Variants in RAPGEF5 observed in about 807,000 individuals in gnomAD.
RAPGEF5 encodes Rap guanine nucleotide exchange factor 5, also known as M-Ras-regulated GEF.
Under a neutral mutation model 125.2 loss-of-function variants are expected in RAPGEF5, and 65 were observed. The ratio of observed to expected loss-of-function variants is 0.52; its 90% confidence interval spans 0.43 to 0.64. RAPGEF5 has a LOEUF of 0.64. RAPGEF5 is among the 30% of genes least tolerant of loss of function. The probability of loss-of-function intolerance (pLI) is 0.00; values close to 1 mark genes in which losing one functional copy is unlikely to be tolerated. For missense variants in RAPGEF5, 958 were observed against 1,048.1 expected, an observed-to-expected ratio of 0.91 and a Z score of 1.19; for synonymous variants, 391 against 385.9, an observed-to-expected ratio of 1.01 and a Z score of -0.16.
At chr7:22,286,063 T>C (rs1386856640) in intron 6 of RAPGEF5, among the ~76,000 whole-genome samples, 2 of 152,224 alleles carry the variant, frequency 1.3e-5, no homozygotes, top group African/African-American at 4.8e-5. Flanking sequence ...TCCTAAATTC[T>C]GAACACCCAA....
At chr7:22,311,569 A>T (rs1418314373) in intron 3 of RAPGEF5, among the ~76,000 whole-genome samples, 1 of 152,196 alleles carries the variant, frequency 6.6e-6, no homozygotes, top group African/African-American at 2.4e-5. Context: ...ATTTGATCAA[A>T]CATCCCAGCT....
intron 1 of RAPGEF5, among the ~76,000 whole-genome samples, chr7:22,332,193 CT>C (rs1277874694): frequency 3.3e-5 from 5 of 152,262 alleles, no homozygotes; most frequent in African/African-American, 9.6e-5. Flanking sequence ...CCAAAGTTAA[CT>C]AAAAACAAAA....
chr7:22,146,000 T>TGTG (rs1783428944), intron 19 of RAPGEF5, among the ~76,000 whole-genome samples: 1 of 145,172 alleles, frequency 6.9e-6, no homozygotes, highest in African/African-American at 2.6e-5. Flanking sequence ...GTGTGTGTGT[T>TGTG]TTATAGAGGT....
At chr7:22,126,253 T>C (rs1782741936) in intron 24 of RAPGEF5, among the ~76,000 whole-genome samples, 1 of 152,164 alleles carries the variant, frequency 6.6e-6, no homozygotes, top group African/African-American at 2.4e-5. Flanking sequence ...CCAGCCCCAG[T>C]CATCCTGTTC....
At chr7:22,161,294 A>G (rs541014766) in intron 13 of RAPGEF5, among the ~76,000 whole-genome samples, 15 of 152,274 alleles carry the variant, frequency 9.9e-5, no homozygotes, top group Admixed American at 7.2e-4. Context: ...AAATCCCAAC[A>G]CTTTGGGAGG....
intron 21 of RAPGEF5, 119 bp from the exon 22 acceptor site, chr7:22,137,102 C>T (rs1244966826): frequency 1.2e-5 from 9 of 724,926 alleles, no homozygotes; most frequent in Admixed American, 7.3e-5. Context: ...ATAAATACCT[C>T]TATCATCTGT....
At chr7:22,157,464 C>T (rs1252939532) in intron 15 of RAPGEF5, among the ~76,000 whole-genome samples, 2 of 152,292 alleles carry the variant, frequency 1.3e-5, no homozygotes, top group African/African-American at 2.4e-5. Flanking sequence ...CCTTCTCTTT[C>T]GGTTGTATTA....
chr7:22,146,348 C>T (rs1259077048), intron 19 of RAPGEF5, among the ~76,000 whole-genome samples: 1 of 152,150 alleles, frequency 6.6e-6, no homozygotes, highest in Non-Finnish European at 1.5e-5. Context: ...TAGCATTTTG[C>T]TATTTCCCAA....
At chr7:22,248,326 T>C (rs963903583) in intron 7 of RAPGEF5, among the ~76,000 whole-genome samples, 2 of 152,238 alleles carry the variant, frequency 1.3e-5, no homozygotes, top group South Asian at 4.2e-4. Flanking sequence ...ACAAAACATA[T>C]CAACTTCAAC....
At chr7:22,305,695 T>C (rs537603349) in intron 5 of RAPGEF5, among the ~76,000 whole-genome samples, 4 of 152,244 alleles carry the variant, frequency 2.6e-5, no homozygotes, top group African/African-American at 9.6e-5. Context: ...CATCCACACC[T>C]CCCCACTAGT....
chr7:22,149,174 T>C (rs761994297), intron 18 of RAPGEF5, among the ~76,000 whole-genome samples: 10 of 152,238 alleles, frequency 6.6e-5, no homozygotes, highest in Non-Finnish European at 1.2e-4. Context: ...AGATACCGTA[T>C]GTAAATTACT....
chr7:22,154,648 C>T, intron 16 of RAPGEF5, 44 bp from the exon 17 acceptor site: 10 of 1,598,810 alleles, frequency 6.3e-6, no homozygotes, highest in Non-Finnish European at 5.1e-6. Context: ...GAACAGTGGT[C>T]ACGAGGTATA....
At position 22,309,653 on chromosome 7, in the gene RAPGEF5, CA is replaced by C. The variant is rs1337794591; in HGVS notation, c.511+315del. 5.3e-5 allele frequency among the ~76,000 whole-genome samples: 8 copies of C among 152,180 alleles called. No individual in the cohort carries two copies. The East Asian group carries it at 1.5e-3, about 29-fold the overall frequency. On this transcript the variant is annotated intron_variant, in intron 4 of 25. Coordinates refer to ENST00000665637, the MANE Select transcript of RAPGEF5 (RefSeq NM_012294.5). ...TACAAGATAAATCACACACTTAGAG[CA>C]ACTAAAGATGTCACTGATTTTGAAA...
chr7:22,250,542 A>C (rs913535412), intron 7 of RAPGEF5, among the ~76,000 whole-genome samples: 1 of 152,160 alleles, frequency 6.6e-6, no homozygotes, highest in Non-Finnish European at 1.5e-5. Context: ...ATGTCTGTTT[A>C]TCCAATTAGA....
Position 22,356,234 on chromosome 7 carries a change from T to C in RAPGEF5, c.231+596A>G, listed in dbSNP as rs75513275. ...ATCAGGAAGTCAATATTGAAGGTTCTTGGGGGCGTGCACCCTCCTGCTCAA... is the reference window on the plus strand; with the variant it reads ...ATCAGGAAGTCAATATTGAAGGTTCCTGGGGGCGTGCACCCTCCTGCTCAA... On this transcript the variant is annotated intron_variant, in intron 1 of 25. Transcript: ENST00000665637. The C allele has an allele frequency of 8.9e-4, 874 of 985,482 alleles. 7 individuals carry two copies. The African/African-American group carries it at 0.014, about 16-fold the overall frequency. The allele number at this position is 985,482 out of a possible 1,614,324, so 61.0% of individuals were successfully genotyped here.
rs142821807 is a variant in RAPGEF5, at chr7:22,177,522, G to A, written c.1205-10374C>T. Among the ~76,000 whole-genome samples, 25 of 152,330 alleles carry A rather than the reference G, an allele frequency of 1.6e-4. 1 individual carries two copies. Among genetic ancestry groups the A allele is most frequent in the African/African-American group, 5.1e-4 (21 of 41,582 alleles). On this transcript the variant is annotated intron_variant, in intron 11 of 25. Transcript: ENST00000665637. ...AAAAGTAAGGGAGGAAAATGATAGCGGCCTCGCTAGTTAAATATACTCAAA... is the reference window on the plus strand; with the variant it reads ...AAAAGTAAGGGAGGAAAATGATAGCAGCCTCGCTAGTTAAATATACTCAAA...
intron 6 of RAPGEF5, among the ~76,000 whole-genome samples, chr7:22,289,543 T>C (rs1369436595): frequency 1.3e-5 from 2 of 152,248 alleles, no homozygotes; most frequent in Non-Finnish European, 2.9e-5. Context: ...TTCTGGCCCA[T>C]AGTGAATGCT....
intron 3 of RAPGEF5, among the ~76,000 whole-genome samples, chr7:22,312,011 A>G (rs1035299717): frequency 5.9e-5 from 9 of 152,244 alleles, no homozygotes; most frequent in African/African-American, 2.2e-4. Context: ...AGAACACAAT[A>G]AAGCATTTAC....
chr7:22,201,989 G>C (rs1411517193), intron 9 of RAPGEF5, among the ~76,000 whole-genome samples: 1 of 152,188 alleles, frequency 6.6e-6, no homozygotes, highest in Non-Finnish European at 1.5e-5. Context: ...TGATGGATAA[G>C]TGGACAGACA....
Sources: gnomAD v4.1 joint callset for allele counts (sites outside exome capture counted in the v4.1 genomes callset) on GRCh38, gnomAD v4.1.1 for gene constraint, MANE v1.5 for transcripts, NCBI Gene and HGNC (gene_info 2026-07-23, HGNC 2026-07-21) for gene names.